RHBDL3: variants seen among roughly 807,000 people sequenced by gnomAD.
RHBDL3 encodes the protein rhomboid like 3, also known as rhomboid-related protein 3.
RHBDL3 carries 28 observed loss-of-function variants against 48.2 expected under a neutral mutation model. The observed-to-expected ratio is 0.58, with a 90% CI of 0.43 to 0.80. The LOEUF (loss-of-function observed/expected upper bound fraction) is 0.80. Among genes scored for constraint, RHBDL3 ranks in the 30% least tolerant of loss-of-function variants. RHBDL3 has a pLI of 0.00. For missense variants in RHBDL3, 464 were observed against 542.7 expected, an observed-to-expected ratio of 0.85 and a Z score of 1.44; for synonymous variants, 208 against 232.3, an observed-to-expected ratio of 0.90 and a Z score of 0.95.
At chr17:32,277,696 G>A (rs192874936) in intron 2 of RHBDL3, among the ~76,000 whole-genome samples, 19 of 152,358 alleles carry the variant, frequency 1.2e-4, no homozygotes, top group Non-Finnish European at 2.4e-4. Context: ...AAAGGCTCTG[G>A]TTCTGAACCA....
chr17:32,278,140 A>G (rs767064949), intron 2 of RHBDL3, among the ~76,000 whole-genome samples: 2 of 152,070 alleles, frequency 1.3e-5, no homozygotes, highest in African/African-American at 2.4e-5. Context: ...TCTACTAAAA[A>G]TACCAAAAAT....
chr17:32,304,474 A>G (rs371357488), intron 6 of RHBDL3, among the ~76,000 whole-genome samples: 20 of 152,144 alleles, frequency 1.3e-4, no homozygotes, highest in African/African-American at 4.6e-4. Flanking sequence ...CCCAGATGCA[A>G]ATCCTGGTTC....
Position 32,321,542 on chromosome 17 carries a change from G to T in RHBDL3, c.*313G>T. 1 of 525,582 alleles carries T rather than the reference G, an allele frequency of 1.9e-6. No individual in the cohort carries two copies. The highest frequency in any genetic ancestry group is 3.4e-6 in the Non-Finnish European group (1 of 297,022). 32.6% of individuals were successfully genotyped at this position (525,582 alleles called of 1,614,324 possible). ...GGGCTGGGCTTCTTCCATGGGGCCAGGGGGTGCCCCCTCACTGCTGCGGAT... is the reference window on the plus strand; with the variant it reads ...GGGCTGGGCTTCTTCCATGGGGCCATGGGGTGCCCCCTCACTGCTGCGGAT... On this transcript the variant is annotated 3_prime_UTR_variant, in exon 9 of 9. Transcript: ENST00000269051.
At chr17:32,316,177 C>A in intron 7 of RHBDL3, 55 bp from the exon 8 acceptor site, 1 of 1,269,104 alleles carries the variant, frequency 7.9e-7, no homozygotes, top group Non-Finnish European at 1.1e-6. Context: ...AAGCAAGACA[C>A]ACCGGCAGAA....
intron 2 of RHBDL3, among the ~76,000 whole-genome samples, chr17:32,282,037 A>T (rs1340911468): frequency 6.6e-6 from 1 of 152,208 alleles, no homozygotes; most frequent in Non-Finnish European, 1.5e-5. Flanking sequence ...GGGGACATGG[A>T]TAGGATCTGC....
At chr17:32,316,987 T>C (rs1242956496) in intron 8 of RHBDL3, among the ~76,000 whole-genome samples, 1 of 151,946 alleles carries the variant, frequency 6.6e-6, no homozygotes, top group African/African-American at 2.4e-5. Context: ...TTCTCCTGTC[T>C]CAGCCCCCCA....
At chr17:32,291,402 C>A (rs1344400712) in intron 4 of RHBDL3, among the ~76,000 whole-genome samples, 1 of 151,830 alleles carries the variant, frequency 6.6e-6, no homozygotes, top group Non-Finnish European at 1.5e-5. Flanking sequence ...ACTATCCTGG[C>A]CGGGCACAGT....
chr17:32,270,338 C>G (rs1212825424), intron 2 of RHBDL3, among the ~76,000 whole-genome samples: 3 of 151,650 alleles, frequency 2.0e-5, no homozygotes, highest in Non-Finnish European at 4.4e-5. Context: ...AGTGGTAGCC[C>G]AATTTCAAAC....
At chr17:32,301,224 A>G (rs2040575142) in intron 6 of RHBDL3, among the ~76,000 whole-genome samples, 1 of 151,964 alleles carries the variant, frequency 6.6e-6, no homozygotes, top group Non-Finnish European at 1.5e-5. Flanking sequence ...CCAATGTGAA[A>G]ATCACTTATG....
At chr17:32,300,277 G>A (rs912328881) in intron 6 of RHBDL3, among the ~76,000 whole-genome samples, 2 of 152,236 alleles carry the variant, frequency 1.3e-5, no homozygotes, top group Admixed American at 6.5e-5. Flanking sequence ...ACCAGGTGCA[G>A]TAGCTCACAC....
intron 2 of RHBDL3, among the ~76,000 whole-genome samples, chr17:32,276,960 C>G (rs921729740): frequency 1.4e-4 from 21 of 149,308 alleles, no homozygotes; most frequent in Non-Finnish European, 2.2e-4. Flanking sequence ...TACTCCAGCC[C>G]TAGCACAGTA....
chr17:32,318,787 A>G (rs2041035708), intron 8 of RHBDL3, among the ~76,000 whole-genome samples: 1 of 152,152 alleles, frequency 6.6e-6, no homozygotes. Context: ...ATGGAGGGTC[A>G]GGTCTGGGAG....
intron 6 of RHBDL3, among the ~76,000 whole-genome samples, chr17:32,299,265 G>A (rs2040528114): frequency 6.6e-6 from 1 of 152,120 alleles, no homozygotes; most frequent in Non-Finnish European, 1.5e-5. Context: ...AAGAGGAAGG[G>A]TCCCACCCCA....
chr17:32,297,040 G>A (rs896620077), intron 5 of RHBDL3, among the ~76,000 whole-genome samples: 5 of 151,220 alleles, frequency 3.3e-5, no homozygotes, highest in African/African-American at 9.7e-5. Context: ...TAGTAAAGAC[G>A]GGGTTTCACC....
intron 7 of RHBDL3, among the ~76,000 whole-genome samples, chr17:32,309,770 CTTTTTTTTTT>C (rs11346917): frequency 8.0e-6 from 1 of 124,760 alleles, no homozygotes; most frequent in Non-Finnish European, 1.6e-5. Flanking sequence ...ATCAAGACTT[CTTTTTTTTTT>C]TTTTTTTTTT....
chr17:32,291,042 TG>T (rs1461032522), intron 4 of RHBDL3, among the ~76,000 whole-genome samples: 3 of 149,200 alleles, frequency 2.0e-5, no homozygotes, highest in Non-Finnish European at 3.0e-5. Context: ...TACAAGAATT[TG>T]GGGGATTGGC....
In RHBDL3 at chr17:32,284,750, A is replaced by T. The variant is rs762861398; in HGVS notation, c.227A>T (p.Glu76Val). Residue 76 changes from glutamate (E) to valine (V), a missense_variant, in exon 3 of 9, where the codon GAG becomes GTG. Glu to Val is a moderately radical substitution (Grantham distance 121, BLOSUM62 -2). Transcript: ENST00000269051. ...HSSKLDPHKR[E>V]VLLALADSHA... ...TCCAAGCTGGACCCGCACAAAAGGGAGGTCCTCCTGGCTCTTGCCGACAGC... is the reference window on the plus strand; with the variant it reads ...TCCAAGCTGGACCCGCACAAAAGGGTGGTCCTCCTGGCTCTTGCCGACAGC... 1 of 1,614,032 alleles carries T rather than the reference A, an allele frequency of 6.2e-7. No individual in the cohort carries two copies. The highest frequency in any genetic ancestry group is 8.5e-7 in the Non-Finnish European group (1 of 1,179,942).
Position 32,284,764 on chromosome 17 carries a change from C to G in RHBDL3, c.241C>G (p.Leu81Val), listed in dbSNP as rs1408611519. The G allele has an allele frequency of 1.2e-6, 2 of 1,614,080 alleles. No individual in the cohort carries two copies. The highest frequency in any genetic ancestry group is 1.1e-5 in the South Asian group (1 of 91,080). ...GCACAAAAGGGAGGTCCTCCTGGCT[C>G]TTGCCGACAGCCACGCGGATGGGCA... ...DPHKREVLLALADSHADGQIG... is the reference protein window; with the variant it reads ...DPHKREVLLAVADSHADGQIG... The change falls in exon 3 of 9, where the codon CTT (leucine) becomes GTT (valine). Residue 81 changes from leucine to valine, a missense_variant. Leu to Val is a conservative substitution (Grantham distance 32). Coordinates refer to ENST00000269051, the MANE Select transcript of RHBDL3 (RefSeq NM_138328.3).
Position 32,321,757 on chromosome 17 carries a change from G to A in RHBDL3, c.*528G>A, listed in dbSNP as rs1467898925. 4.5e-6 allele frequency: 1 copy of A among 222,994 alleles called. No individual in the cohort carries two copies. Among genetic ancestry groups the A allele is most frequent in the East Asian group, 1.0e-4 (1 of 9,594 alleles). 13.8% of individuals were successfully genotyped at this position (222,994 alleles called of 1,614,324 possible). ...AGGGCCTACTGGACATGTCAGCTGT[G>A]ACCTGGCTGAAACCAGGGTGCCCTC... On this transcript the variant is annotated 3_prime_UTR_variant, in exon 9 of 9. Coordinates refer to ENST00000269051, the MANE Select transcript of RHBDL3 (RefSeq NM_138328.3).
Sources: gnomAD v4.1 joint callset for allele counts (sites outside exome capture counted in the v4.1 genomes callset) on GRCh38, gnomAD v4.1.1 for gene constraint, MANE v1.5 for transcripts, NCBI Gene and HGNC (gene_info 2026-07-23, HGNC 2026-07-21) for gene names.